Variants in NRG3 observed in about 807,000 individuals in gnomAD.
The protein encoded by NRG3 is pro-neuregulin-3, membrane-bound isoform.
A neutral mutation model predicts 66.9 loss-of-function variants in NRG3; 31 were observed. The observed-to-expected ratio is 0.46, with a 90% CI of 0.35 to 0.63. The LOEUF is 0.63. Ranked by LOEUF, NRG3 falls within the 20% of genes least tolerant of loss-of-function variation. NRG3 has a pLI of 0.00. For missense variants in NRG3, 910 were observed against 878.9 expected (o/e 1.04, Z -0.45); for synonymous variants, 393 against 359.4 (o/e 1.09, Z -1.06).
At chr10:82,669,409 A>C (rs1395410633) in intron 2 of NRG3, among the ~76,000 whole-genome samples, 2 of 152,036 alleles carry the variant, frequency 1.3e-5, no homozygotes, top group Non-Finnish European at 2.9e-5. Context: ...ACACAGAATA[A>C]ATTTTTAGTA....
At position 81,875,262 on chromosome 10, in the gene NRG3, C is replaced by G; in HGVS notation, c.-79C>G. 3 of 940,514 alleles carry G rather than the reference C, an allele frequency of 3.2e-6. No homozygotes were observed. Among genetic ancestry groups the G allele is most frequent in the Non-Finnish European group, 3.8e-6 (3 of 791,884 alleles). 58.3% of individuals were successfully genotyped at this position (940,514 alleles called of 1,614,324 possible). Reference sequence around the variant, plus strand: ...CGCCGCCGCCGCCGGAGCCCGCGCCCGCGCCCGCGCCCGGCCCGCGCGGCC... The same window carrying G: ...CGCCGCCGCCGCCGGAGCCCGCGCCGGCGCCCGCGCCCGGCCCGCGCGGCC... On this transcript the variant is annotated 5_prime_UTR_variant, in exon 1 of 9. Coordinates refer to ENST00000372141, the MANE Select transcript of NRG3 (RefSeq NM_001010848.4). The surrounding 1 kb of genome is among the most constrained non-coding windows in gnomAD (Gnocchi z 5.3).
chr10:82,185,786 A>T (rs1309402596), intron 1 of NRG3, among the ~76,000 whole-genome samples: 1 of 152,186 alleles, frequency 6.6e-6, no homozygotes, highest in Non-Finnish European at 1.5e-5. Flanking sequence ...ATGCTCCAGG[A>T]CTGCATTATC....
At chr10:82,677,301 A>T (rs2053775500) in intron 2 of NRG3, among the ~76,000 whole-genome samples, 1 of 151,888 alleles carries the variant, frequency 6.6e-6, no homozygotes, top group Admixed American at 6.6e-5. Flanking sequence ...TCAGCCTCCT[A>T]AACTGTTGGG....
intron 1 of NRG3, among the ~76,000 whole-genome samples, chr10:81,891,112 A>G (rs1420720462): frequency 1.3e-5 from 2 of 152,226 alleles, no homozygotes; most frequent in African/African-American, 4.8e-5. Context: ...TTAATCTTCA[A>G]TTATCAGTAA....
chr10:82,331,786 A>T (rs1194723271), intron 1 of NRG3, among the ~76,000 whole-genome samples: 1 of 152,206 alleles, frequency 6.6e-6, no homozygotes, highest in Non-Finnish European at 1.5e-5. Flanking sequence ...ATGTGACAAA[A>T]AATAAACATT....
At chr10:81,980,206 T>A (rs2133454061) in intron 1 of NRG3, among the ~76,000 whole-genome samples, 1 of 152,336 alleles carries the variant, frequency 6.6e-6, no homozygotes, top group South Asian at 2.1e-4. Context: ...TGGAGATTTT[T>A]TTTTTTTTGG....
At chr10:82,264,234 A>T (rs1199065817) in intron 1 of NRG3, among the ~76,000 whole-genome samples, 1 of 152,196 alleles carries the variant, frequency 6.6e-6, no homozygotes, top group Non-Finnish European at 1.5e-5. Flanking sequence ...TAATGGACTC[A>T]CAGTTCCACA....
chr10:82,514,708 C>G (rs139609458), intron 2 of NRG3, among the ~76,000 whole-genome samples: 37 of 151,982 alleles, frequency 2.4e-4, no homozygotes, highest in African/African-American at 8.7e-4. Context: ...GGCTCTTTTT[C>G]GTTTCCATAT....
At chr10:82,365,888 T>C (rs2084489470) in intron 2 of NRG3, among the ~76,000 whole-genome samples, 1 of 152,274 alleles carries the variant, frequency 6.6e-6, no homozygotes, top group South Asian at 2.1e-4. Context: ...ATTTTAATGT[T>C]TTCTTCTGTG....
chr10:82,187,388 C>T (rs2073869792), intron 1 of NRG3, among the ~76,000 whole-genome samples: 2 of 152,252 alleles, frequency 1.3e-5, no homozygotes, highest in African/African-American at 2.4e-5. Context: ...TTTATGATAG[C>T]TATTGATTTT....
At chr10:82,214,010 C>A (rs1242172938) in intron 1 of NRG3, among the ~76,000 whole-genome samples, 1 of 152,100 alleles carries the variant, frequency 6.6e-6, no homozygotes, top group Non-Finnish European at 1.5e-5. Flanking sequence ...CAGACGCTGC[C>A]ACAGTTCCAA....
chr10:82,286,490 AT>A (rs2079424643), intron 1 of NRG3, among the ~76,000 whole-genome samples: 1 of 152,182 alleles, frequency 6.6e-6, no homozygotes. Context: ...GAACATTTAT[AT>A]TTTTTGTCTT....
At chr10:82,184,766 T>G (rs2073690258) in intron 1 of NRG3, among the ~76,000 whole-genome samples, 1 of 152,106 alleles carries the variant, frequency 6.6e-6, no homozygotes, top group Non-Finnish European at 1.5e-5. Flanking sequence ...TTATGGGACT[T>G]ATCTTTGGGC....
At chr10:82,225,927 C>G (rs749586727) in intron 1 of NRG3, among the ~76,000 whole-genome samples, 11 of 152,086 alleles carry the variant, frequency 7.2e-5, no homozygotes, top group Non-Finnish European at 1.6e-4. Context: ...ATTTAGTAAG[C>G]TCTCTCCATA....
intron 1 of NRG3, among the ~76,000 whole-genome samples, chr10:82,325,348 A>ATTTTT (rs2081812789): frequency 6.6e-6 from 1 of 151,568 alleles, no homozygotes. Context: ...TGCCTGGCTA[A>ATTTTT]TTTTTTTGTT....
intron 4 of NRG3, among the ~76,000 whole-genome samples, chr10:82,908,674 G>A (rs1591915409): frequency 6.6e-6 from 1 of 152,202 alleles, no homozygotes; most frequent in Non-Finnish European, 1.5e-5. Flanking sequence ...AAGACTGAGG[G>A]AATCCAGGTG....
chr10:82,846,953 T>G (rs1228904848), intron 3 of NRG3, among the ~76,000 whole-genome samples: 4 of 152,158 alleles, frequency 2.6e-5, no homozygotes, highest in Non-Finnish European at 4.4e-5. Context: ...ATGGTTTGAG[T>G]AAATTGTGGG....
intron 1 of NRG3, among the ~76,000 whole-genome samples, chr10:81,938,953 C>G (rs538829920): frequency 6.6e-6 from 1 of 151,798 alleles, no homozygotes; most frequent in African/African-American, 2.4e-5. Flanking sequence ...GTTTGTTGAG[C>G]GTTTTTATCA....
intron 2 of NRG3, among the ~76,000 whole-genome samples, chr10:82,566,686 T>G (rs189187434): frequency 1.3e-5 from 2 of 152,114 alleles, no homozygotes; most frequent in East Asian, 3.9e-4. Context: ...AATAGTCACA[T>G]GAGGGTTACA....
Sources: allele counts gnomAD v4.1 joint callset (sites outside exome capture counted in the v4.1 genomes callset), GRCh38; gene constraint gnomAD v4.1.1; non-coding constraint Gnocchi (gnomAD v3.1); transcripts MANE v1.5; gene names NCBI Gene and HGNC (gene_info 2026-07-23, HGNC 2026-07-21).